Variants in IFT52 observed in about 807,000 individuals in gnomAD.
The protein encoded by IFT52 is intraflagellar transport protein 52 homolog.
A neutral mutation model predicts 54.4 loss-of-function variants in IFT52; 44 were observed. The observed-to-expected ratio is 0.81, with a 90% CI of 0.63 to 1.04. The LOEUF is 1.04. Among genes scored for constraint, IFT52 ranks in the 50% least tolerant of loss-of-function variants. The pLI is 0.00. For synonymous variants in IFT52, 181 were observed against 185.3 expected, an observed-to-expected ratio of 0.98 and a Z score of 0.19; for missense variants, 452 against 523.6, an observed-to-expected ratio of 0.86 and a Z score of 1.33.
At chr20:43,633,004 T>C (rs1044224021) in intron 10 of IFT52, among the ~76,000 whole-genome samples, 1 of 152,242 alleles carries the variant, frequency 6.6e-6, no homozygotes, top group Non-Finnish European at 1.5e-5. Context: ...ACATTTTGTC[T>C]CTTTTTAATT....
chr20:43,604,363 A>G (rs1982695425), intron 5 of IFT52, 105 bp downstream of exon 5: 7 of 769,402 alleles, frequency 9.1e-6, no homozygotes, highest in African/African-American at 1.8e-5. Context: ...TGAGGTCAGG[A>G]GTTCCAAACC....
intron 13 of IFT52, among the ~76,000 whole-genome samples, chr20:43,642,938 A>T (rs191893952): frequency 6.6e-6 from 1 of 152,092 alleles, no homozygotes; most frequent in African/African-American, 2.4e-5. Context: ...AGGCTGAGGT[A>T]GGCAGATCAC....
chr20:43,602,204 C>T (rs1365776748), intron 3 of IFT52, among the ~76,000 whole-genome samples: 3 of 150,802 alleles, frequency 2.0e-5, no homozygotes, highest in Admixed American at 6.6e-5. Flanking sequence ...CTTGCTCTGT[C>T]GCCAGGCTGG....
intron 9 of IFT52, among the ~76,000 whole-genome samples, chr20:43,622,793 T>A (rs1020799039): frequency 2.7e-5 from 4 of 146,382 alleles, no homozygotes; most frequent in South Asian, 2.1e-4. Flanking sequence ...AATATATACA[T>A]ATTTTTATAT....
chr20:43,642,361 G>C lies in IFT52; in HGVS notation c.1121-118G>C, dbSNP rs1985973047. 3.4e-6 allele frequency: 3 copies of C among 876,210 alleles called. No homozygotes were observed. In the Admixed American group the frequency reaches 7.1e-5, roughly 21 times the overall value. 54.3% of individuals were successfully genotyped at this position (876,210 alleles called of 1,614,324 possible). ...CTGTAGTCACATTACTTTAGGAAGA[G>C]GTGAGTGATCTTAGGAAATGTGGAA... On this transcript the variant is annotated intron_variant, in intron 12 of 13. Coordinates refer to ENST00000373030, the MANE Select transcript of IFT52 (RefSeq NM_016004.5).
At chr20:43,633,078 C>T (rs1300922630) in intron 10 of IFT52, among the ~76,000 whole-genome samples, 4 of 152,356 alleles carry the variant, frequency 2.6e-5, no homozygotes, top group Middle Eastern at 3.4e-3. Flanking sequence ...CTTGGTGGCT[C>T]ACGCCTGTCA....
chr20:43,594,624 C>CTATATA (rs1981784532), intron 1 of IFT52, 69 bp from the exon 2 acceptor site: 1 of 834,016 alleles, frequency 1.2e-6, no homozygotes, highest in African/African-American at 1.7e-5. Flanking sequence ...TAGAAGGCAA[C>CTATATA]TATTTATTAC....
chr20:43,621,957 G>A (rs1338078752), intron 9 of IFT52, among the ~76,000 whole-genome samples: 1 of 152,218 alleles, frequency 6.6e-6, no homozygotes, highest in Non-Finnish European at 1.5e-5. Context: ...TATAGATGAG[G>A]AAACTGAAAT....
chr20:43,630,756 C>T (rs1441802002), intron 10 of IFT52, among the ~76,000 whole-genome samples: 3 of 152,168 alleles, frequency 2.0e-5, no homozygotes, highest in Non-Finnish European at 4.4e-5. Context: ...TCTAGTTCAG[C>T]GCCATTTCAC....
At chr20:43,603,332 C>T (rs943110441) in intron 3 of IFT52, among the ~76,000 whole-genome samples, 4 of 152,176 alleles carry the variant, frequency 2.6e-5, no homozygotes, top group African/African-American at 9.7e-5. Flanking sequence ...AAGGCATTGT[C>T]TAAATCAGTG....
intron 5 of IFT52, 110 bp from the exon 6 acceptor site, chr20:43,604,892 C>T: frequency 9.0e-7 from 1 of 1,114,936 alleles, no homozygotes; most frequent in South Asian, 1.4e-5. Flanking sequence ...CTTGACCTCC[C>T]AGGCTTAAGC....
chr20:43,591,312 G>T (rs1029238690), intron 1 of IFT52, among the ~76,000 whole-genome samples: 4 of 152,264 alleles, frequency 2.6e-5, no homozygotes, highest in Admixed American at 6.5e-5. Context: ...GAATCGTACA[G>T]TCTTAATCTC....
intron 6 of IFT52, among the ~76,000 whole-genome samples, chr20:43,605,921 T>A (rs767624114): frequency 7.2e-5 from 11 of 152,188 alleles, no homozygotes; most frequent in Non-Finnish European, 8.8e-5. Context: ...TCCGTATTGT[T>A]GTTATAGACA....
At chr20:43,633,315 C>A (rs1164195187) in intron 10 of IFT52, among the ~76,000 whole-genome samples, 1 of 151,962 alleles carries the variant, frequency 6.6e-6, no homozygotes, top group Non-Finnish European at 1.5e-5. Context: ...TGTCCTCCAG[C>A]CTGGGCCACA....
rs1199903197 is a variant in IFT52 at position 43,644,769 on chromosome 20, A to G, written c.1266+2145A>G. ...GCACTCCAGCCTGGGAGACAGAGTG[A>G]GACTCTATCTCAAAAAAATAAATAA... On this transcript the variant is annotated intron_variant, in intron 13 of 13. Coordinates refer to ENST00000373030, the MANE Select transcript of IFT52 (RefSeq NM_016004.5). Among the ~76,000 whole-genome samples, 5 of 55,278 alleles carry G rather than the reference A, an allele frequency of 9.0e-5. 2 individuals carry two copies. The highest frequency in any genetic ancestry group is 4.2e-4 in the Admixed American group (2 of 4,794). The allele number at this position is 55,278 out of a possible 152,430, so 36.3% of individuals were successfully genotyped here.
intron 9 of IFT52, among the ~76,000 whole-genome samples, chr20:43,623,646 A>G (rs1326170716): frequency 1.3e-5 from 2 of 152,252 alleles, no homozygotes; most frequent in African/African-American, 4.8e-5. Context: ...AGCTGTTTTC[A>G]GCCATGTGAG....
intron 1 of IFT52, among the ~76,000 whole-genome samples, chr20:43,592,689 G>C (rs1981628142): frequency 6.6e-6 from 1 of 152,112 alleles, no homozygotes; most frequent in Non-Finnish European, 1.5e-5. Flanking sequence ...AGCCAGGAAG[G>C]AAAAGATTCA....
At chr20:43,605,199 AAGT>A in intron 6 of IFT52, 126 bp downstream of exon 6, 1 of 1,472,366 alleles carries the variant, frequency 6.8e-7, no homozygotes. Flanking sequence ...AAGAGGAAAA[AAGT>A]AGAAGCTCTG....
intron 6 of IFT52, 46 bp downstream of exon 6, chr20:43,605,119 G>C (rs1982756377): frequency 1.9e-6 from 3 of 1,598,898 alleles, no homozygotes; most frequent in Non-Finnish European, 2.6e-6. Flanking sequence ...TATCATTTTG[G>C]AGTCTTCTTT....
Sources: gnomAD v4.1 joint callset for allele counts (sites outside exome capture counted in the v4.1 genomes callset) on GRCh38, gnomAD v4.1.1 for gene constraint, MANE v1.5 for transcripts, NCBI Gene and HGNC (gene_info 2026-07-23, HGNC 2026-07-21) for gene names.